The following BIRC6 variants were observed in gnomAD, a reference collection of about 807,000 sequenced individuals.
BIRC6 encodes the protein baculoviral IAP repeat containing 6.
BIRC6 carries 98 observed loss-of-function variants against 503.3 expected under a neutral mutation model. That is an observed-to-expected ratio of 0.19 (90% CI 0.17 to 0.23). BIRC6 has a LOEUF of 0.23. BIRC6 is among the 10% of genes least tolerant of loss of function. BIRC6 has a pLI of 1.00. For synonymous variants in BIRC6, 2,240 were observed against 2,078.7 expected, an observed-to-expected ratio of 1.08 and a Z score of -2.11; for missense variants, 5,360 against 5,806.0, an observed-to-expected ratio of 0.92 and a Z score of 2.50.
intron 66 of BIRC6, among the ~76,000 whole-genome samples, chr2:32,591,792 T>C (rs2061397517): frequency 1.3e-5 from 2 of 152,178 alleles, no homozygotes; most frequent in Non-Finnish European, 2.9e-5. Context: ...AGTGGCCCTG[T>C]TACTTAATAA....
intron 36 of BIRC6, among the ~76,000 whole-genome samples, chr2:32,479,098 G>T (rs983508913): frequency 6.6e-6 from 1 of 152,140 alleles, no homozygotes; most frequent in East Asian, 1.9e-4. Context: ...TAACATCAGT[G>T]GTATGCTGCT....
rs760929182 is a variant in BIRC6, at chr2:32,508,136, G to T, written c.9857G>T (p.Arg3286Leu). 6.2e-7 allele frequency: 1 copy of T among 1,613,834 alleles called. No homozygotes were observed. Among genetic ancestry groups the T allele is most frequent in the Non-Finnish European group, 8.5e-7 (1 of 1,179,878 alleles). Reference sequence around the variant, plus strand: ...GTCTGCCTTAGACTACATCGTCCACGGGATGCCAGCACATTAGGCCTTTCA... The same window carrying T: ...GTCTGCCTTAGACTACATCGTCCACTGGATGCCAGCACATTAGGCCTTTCA... ...SAVCLRLHRP[R>L]DASTLGLSQI... The change falls in exon 51 of 74, where the codon CGG becomes CTG. Residue 3286 changes from arginine (R) to leucine (L), a missense_variant. Coordinates refer to ENST00000421745, the MANE Select transcript of BIRC6 (RefSeq NM_016252.4).
At chr2:32,532,134 C>CGTGTGTGTGTATGT (rs2056819311) in intron 61 of BIRC6, 1 of 421,200 alleles carries the variant, frequency 2.4e-6, no homozygotes. Flanking sequence ...GATTTCATGT[C>CGTGTGTGTGTATGT]GTGTGTGTGT....
intron 72 of BIRC6, among the ~76,000 whole-genome samples, chr2:32,610,561 A>G (rs1045075101): frequency 1.3e-5 from 2 of 152,140 alleles, no homozygotes; most frequent in African/African-American, 4.8e-5. Context: ...GTGTTCTTTG[A>G]GTTATCTTTT....
chr2:32,493,728 A>G (rs778834715), intron 45 of BIRC6, 61 bp downstream of exon 45: 1 of 1,347,630 alleles, frequency 7.4e-7, no homozygotes, highest in Non-Finnish European at 1.0e-6. Context: ...CTCCAAATAT[A>G]CTTTTCTTTA....
rs747539013 is a variant in BIRC6 at position 32,473,108 on chromosome 2, G to A, written c.6593-4G>A. On this transcript the variant is annotated splice_polypyrimidine_tract_variant and splice_region_variant and intron_variant, in intron 32 of 73. Coordinates refer to ENST00000421745, the MANE Select transcript of BIRC6 (RefSeq NM_016252.4). ...TATTAATACAAGTTTTCCTTCGCCT[G>A]TAGGTAATCAGTGGAGTTTTATTAA... The A allele has an allele frequency of 1.9e-6, 3 of 1,569,390 alleles. No individual in the cohort carries two copies. Among genetic ancestry groups the A allele is most frequent in the East Asian group, 4.5e-5 (2 of 44,148 alleles).
At chr2:32,489,909 A>G (rs796824308) in intron 42 of BIRC6, 132 bp from the exon 43 acceptor site, 22 of 618,782 alleles carry the variant, frequency 3.6e-5, no homozygotes, top group South Asian at 3.3e-4. Context: ...TTTTATTTGC[A>G]TGTTTTGAAG....
intron 12 of BIRC6, among the ~76,000 whole-genome samples, chr2:32,433,192 A>G (rs1320926215): frequency 1.3e-5 from 2 of 152,318 alleles, no homozygotes; most frequent in Admixed American, 1.3e-4. Context: ...TCTAGTAGAC[A>G]TTTGGATATG....
At chr2:32,519,926 G>T (rs1035496141) in intron 57 of BIRC6, among the ~76,000 whole-genome samples, 1 of 152,190 alleles carries the variant, frequency 6.6e-6, no homozygotes, top group African/African-American at 2.4e-5. Flanking sequence ...TTTGTCCTAA[G>T]ATTATAAACA....
chr2:32,549,577 A>G, intron 65 of BIRC6, 96 bp downstream of exon 65: 15 of 1,109,310 alleles, frequency 1.4e-5, no homozygotes, highest in Non-Finnish European at 1.7e-5. Flanking sequence ...TAGTTGATGG[A>G]TTTATTTCCT....
chr2:32,357,518 G>A lies in BIRC6; in HGVS notation c.325+32G>A. On this transcript the variant is annotated intron_variant, in intron 1 of 73. Coordinates refer to ENST00000421745, the MANE Select transcript of BIRC6 (RefSeq NM_016252.4). This position sits in a 1 kb window ranked among gnomAD's most constrained non-coding sequence, Gnocchi z 4.9. Reference sequence around the variant, plus strand: ...CTTCCGCACGCCGGGCGGGCGCGAAGCCGGGGAAAGAAGCCGTCCAGCCCC... The same window carrying A: ...CTTCCGCACGCCGGGCGGGCGCGAAACCGGGGAAAGAAGCCGTCCAGCCCC... The A allele has an allele frequency of 6.5e-7, 1 of 1,535,230 alleles. No individual in the cohort carries two copies. The highest frequency in any genetic ancestry group is 8.8e-7 in the Non-Finnish European group (1 of 1,141,542).
chr2:32,364,638 T>G (rs2034617356), intron 1 of BIRC6, among the ~76,000 whole-genome samples: 2 of 152,146 alleles, frequency 1.3e-5, no homozygotes, highest in Non-Finnish European at 2.9e-5. Flanking sequence ...CCACTGGGTT[T>G]TTAGAGTCAG....
chr2:32,421,716 T>C (rs1361989559), intron 10 of BIRC6, among the ~76,000 whole-genome samples: 1 of 152,228 alleles, frequency 6.6e-6, no homozygotes, highest in Non-Finnish European at 1.5e-5. Flanking sequence ...ATGAAGTCAG[T>C]ATTTTGAAAT....
chr2:32,519,120 A>G (rs2055368302), intron 57 of BIRC6, 174 bp downstream of exon 57: 1 of 634,806 alleles, frequency 1.6e-6, no homozygotes, highest in Non-Finnish European at 2.5e-6. Context: ...GACAAAATGT[A>G]AAATACTTTT....
intron 61 of BIRC6, among the ~76,000 whole-genome samples, chr2:32,531,785 G>C (rs2056780872): frequency 6.6e-6 from 1 of 152,132 alleles, no homozygotes; most frequent in African/African-American, 2.4e-5. Flanking sequence ...CTACACTGTT[G>C]CATTTATCTT....
At position 32,510,623 on chromosome 2, in the gene BIRC6, T is replaced by C; in HGVS notation, c.10335T>C (p.Gly3445=). Residue 3445 remains glycine (G), a synonymous_variant, in exon 53 of 74, where the codon GGT becomes GGC. Coordinates refer to ENST00000421745, the MANE Select transcript of BIRC6 (RefSeq NM_016252.4). ...LYQLGTTQDP[G]TKDRIQALLK... ...AGCTTGGAACAACTCAGGATCCTGG[T>C]ACAAAAGACAGGTACGATTTTATTT... 6.3e-7 allele frequency: 1 copy of C among 1,584,052 alleles called. No individual in the cohort carries two copies. The highest frequency in any genetic ancestry group is 8.7e-7 in the Non-Finnish European group (1 of 1,152,976).
At position 32,406,522 on chromosome 2, in the gene BIRC6, A is replaced by G. The variant is rs746828459; in HGVS notation, c.1442A>G (p.Asp481Gly). ...AGTGATGATTTACTGGAGGATTCAG[A>G]CAGTGAAGAGCATTCCAGATCAGAT... Reference protein sequence around the residue: ...GDSDDLLEDSDSEEHSRSDSV... With the variant: ...GDSDDLLEDSGSEEHSRSDSV... Residue 481 changes from aspartate (D) to glycine (G), a missense_variant, in exon 9 of 74, where the codon GAC (aspartate) becomes GGC (glycine). Physicochemically the swap from Asp to Gly is moderately conservative, Grantham distance 94 (BLOSUM62 -1). Transcript: ENST00000421745. The G allele has an allele frequency of 2.5e-6, 4 of 1,610,668 alleles. No homozygotes were observed. In the South Asian group the frequency reaches 4.4e-5, roughly 18 times the overall value.
At chr2:32,452,590 A>C (rs1454923512) in intron 22 of BIRC6, among the ~76,000 whole-genome samples, 2 of 152,052 alleles carry the variant, frequency 1.3e-5, no homozygotes, top group Non-Finnish European at 2.9e-5. Context: ...TTCTTTCTGC[A>C]TGGCTTTTCT....
chr2:32,599,381 C>T (rs1005674179), intron 69 of BIRC6, among the ~76,000 whole-genome samples: 1 of 150,968 alleles, frequency 6.6e-6, no homozygotes, highest in African/African-American at 2.4e-5. Context: ...GGCTCAAGCC[C>T]GTAATCCCAG....
Sources: allele counts gnomAD v4.1 joint callset (sites outside exome capture counted in the v4.1 genomes callset), GRCh38; gene constraint gnomAD v4.1.1; non-coding constraint Gnocchi (gnomAD v3.1); transcripts MANE v1.5; gene names NCBI Gene and HGNC (gene_info 2026-07-23, HGNC 2026-07-21).